GRIN1: variants seen among roughly 807,000 people sequenced by gnomAD.
GRIN1 encodes glutamate ionotropic receptor NMDA type subunit 1.
A neutral mutation model predicts 103.0 loss-of-function variants in GRIN1; 38 were observed. That is an observed-to-expected ratio of 0.37 (90% confidence interval 0.28 to 0.48). GRIN1 has a LOEUF of 0.48. Ranked by LOEUF, GRIN1 falls within the 20% of genes least tolerant of loss-of-function variation. The pLI, the probability that GRIN1 is intolerant of heterozygous loss-of-function variation, is 0.98. For synonymous variants in GRIN1, 544 were observed against 532.7 expected (o/e 1.02, Z -0.29); for missense variants, 577 against 1,288.9 (o/e 0.45, Z 8.46).
chr9:137,139,394 C>G lies in GRIN1; in HGVS notation c.-93C>G. On this transcript the variant is annotated 5_prime_UTR_variant, in exon 1 of 20. Coordinates refer to ENST00000371561, the MANE Select transcript of GRIN1 (RefSeq NM_007327.4). The surrounding 1 kb of genome is among the most constrained non-coding windows in gnomAD (Gnocchi z 7.7). ...ACGTGGCGTCCGCAGCCCGCGGGGC[C>G]GGGCGAGCGCAGGACGGCCCGGAAG... The G allele has an allele frequency of 1.2e-6, 1 of 839,924 alleles. No homozygotes were observed. Among genetic ancestry groups the G allele is most frequent in the Non-Finnish European group, 1.6e-6 (1 of 642,316 alleles). The allele number at this position is 839,924 out of a possible 1,614,324, so 52.0% of individuals were successfully genotyped here. A position where few individuals can be genotyped will look rare whatever the true frequency, so the allele number is the denominator to read the frequency against.
chr9:137,153,216 CAT>C (rs1418945140), intron 4 of GRIN1, among the ~76,000 whole-genome samples: 3 of 151,742 alleles, frequency 2.0e-5, no homozygotes, highest in African/African-American at 4.9e-5. Context: ...AACACATACA[CAT>C]GTGCACACAT....
At position 137,167,730 on chromosome 9, in the gene GRIN1, C is replaced by T. The variant is rs756936531; in HGVS notation, c.*203C>T. 3.7e-6 allele frequency: 6 copies of T among 1,610,252 alleles called. No individual in the cohort carries two copies. In the Admixed American group the frequency reaches 1.0e-4, roughly 27 times the overall value. On this transcript the variant is annotated 3_prime_UTR_variant, in exon 20 of 20. Coordinates refer to ENST00000371561, the MANE Select transcript of GRIN1 (RefSeq NM_007327.4). ...GTCCCGGCCCCGCGCGTGCCCCCAG[C>T]GTGGGGCTAACGGGCGCCTTGTCTG...
chr9:137,139,457 C>T lies in GRIN1; in HGVS notation c.-30C>T, dbSNP rs753166193. On this transcript the variant is annotated 5_prime_UTR_variant, in exon 1 of 20. Transcript: ENST00000371561. This position sits in a 1 kb window ranked among gnomAD's most constrained non-coding sequence, Gnocchi z 7.7. ...TGCGCCGAGGGCCCCGCGTTCGCGC[C>T]GCGCAGAGCCAGGCCCGCGGCCCGA... 2.7e-6 allele frequency: 4 copies of T among 1,478,494 alleles called. No homozygotes were observed. The highest frequency in any genetic ancestry group is 2.2e-5 in the Admixed American group (1 of 45,194). 91.6% of individuals were successfully genotyped at this position (1,478,494 alleles called of 1,614,324 possible). A position where few individuals can be genotyped will look rare whatever the true frequency, so the allele number is the denominator to read the frequency against.
chr9:137,158,581 C>T, intron 7 of GRIN1, 40 bp from the exon 8 acceptor site: 1 of 1,606,356 alleles, frequency 6.2e-7, no homozygotes, highest in South Asian at 1.1e-5. Context: ...GGGCCAAGAC[C>T]CCTGCGTGGC....
intron 2 of GRIN1, among the ~76,000 whole-genome samples, chr9:137,144,828 CTAGAAAGTGT>C (rs1832421393): frequency 1.3e-4 from 1 of 7,776 alleles, no homozygotes; most frequent in African/African-American, 7.6e-4. Flanking sequence ...GTCCCAGGGT[CTAGAAAGTGT>C]CCCCAGGGTG....
At chr9:137,167,298 C>G (rs940914207) in intron 19 of GRIN1, 113 bp from the exon 20 acceptor site, 3 of 820,788 alleles carry the variant, frequency 3.7e-6, no homozygotes, top group Middle Eastern at 3.4e-4. Flanking sequence ...TGCGGAGATC[C>G]CCTGCCCCTG....
intron 4 of GRIN1, among the ~76,000 whole-genome samples, chr9:137,150,142 C>T (rs1052378585): frequency 2.0e-5 from 3 of 152,174 alleles, no homozygotes; most frequent in African/African-American, 7.2e-5. Context: ...TCCCCCATTA[C>T]GCCCCCTGCA....
Position 137,168,163 on chromosome 9 carries a change from G to C in GRIN1, c.*636G>C, listed in dbSNP as rs978015902. 21 of 469,558 alleles carry C rather than the reference G, an allele frequency of 4.5e-5. No individual in the cohort carries two copies. The highest frequency in any genetic ancestry group is 7.7e-5 in the Non-Finnish European group (20 of 260,252). The allele number at this position is 469,558 out of a possible 1,614,324, so 29.1% of individuals were successfully genotyped here. A position where few individuals can be genotyped will look rare whatever the true frequency, so the allele number is the denominator to read the frequency against. Reference sequence around the variant, plus strand: ...AGGCGGAGGGGCTTGGAGCAGAGACGGCAGCCCCATCCTTCCCGCAGCACC... The same window carrying C: ...AGGCGGAGGGGCTTGGAGCAGAGACCGCAGCCCCATCCTTCCCGCAGCACC... On this transcript the variant is annotated 3_prime_UTR_variant, in exon 20 of 20. Transcript: ENST00000371561.
At chr9:137,143,892 G>T (rs1236694669) in intron 2 of GRIN1, among the ~76,000 whole-genome samples, 2 of 152,350 alleles carry the variant, frequency 1.3e-5, no homozygotes, top group Admixed American at 1.3e-4. Flanking sequence ...TGAGGCAGAG[G>T]GGGGCAGAGC....
Position 137,161,258 on chromosome 9 carries a change from A to G in GRIN1, c.1340-31A>G, listed in dbSNP as rs368318431. On this transcript the variant is annotated intron_variant, in intron 9 of 19. Coordinates refer to ENST00000371561, the MANE Select transcript of GRIN1 (RefSeq NM_007327.4). ...GGGCGCGGGGCGTGGGGCGGTCTGG[A>G]GCCCAGCAGTTACCGCCCGCACCTA... 138 of 1,611,178 alleles carry G rather than the reference A, an allele frequency of 8.6e-5. No homozygotes were observed. The African/African-American group carries it at 1.6e-3, about 19-fold the overall frequency.
At chr9:137,150,355 CGCCCAGAAAAAGACCT>C (rs1832770770) in intron 4 of GRIN1, among the ~76,000 whole-genome samples, 1 of 148,988 alleles carries the variant, frequency 6.7e-6, no homozygotes, top group Non-Finnish European at 1.5e-5. Flanking sequence ...GGGAAAGCTC[CGCCCAGAAAAAGACCT>C]GCCCAGGGAA....
In GRIN1 at chr9:137,163,155, G is replaced by A. The variant is rs1190272251; in HGVS notation, c.2172-14G>A. ...GCAGGACCAAGGCCCCCGTGACTCC[G>A]CCTCTGCCGGCAGCAAGCTGCATGC... On this transcript the variant is annotated splice_polypyrimidine_tract_variant and intron_variant, in intron 15 of 19. Transcript: ENST00000371561. The A allele has an allele frequency of 1.9e-6, 3 of 1,612,118 alleles. No individual in the cohort carries two copies. The highest frequency in any genetic ancestry group is 2.5e-6 in the Non-Finnish European group (3 of 1,179,750).
intron 12 of GRIN1, 24 bp from the exon 13 acceptor site, chr9:137,162,380 C>T: frequency 6.3e-7 from 1 of 1,579,720 alleles, no homozygotes; most frequent in South Asian, 1.1e-5. Flanking sequence ...GCCCTCTCTC[C>T]CGCCCGCCCT....
At chr9:137,142,271 C>T (rs1232621787) in intron 2 of GRIN1, 124 bp downstream of exon 2, 2 of 936,948 alleles carry the variant, frequency 2.1e-6, no homozygotes, top group Non-Finnish European at 1.7e-6. Context: ...CACACAGCTC[C>T]CCCACATTCA....
chr9:137,150,274 G>A (rs932741378), intron 4 of GRIN1, among the ~76,000 whole-genome samples: 1 of 152,146 alleles, frequency 6.6e-6, no homozygotes, highest in Non-Finnish European at 1.5e-5. Flanking sequence ...AAGTCCCAAG[G>A]GTATGCACAG....
At chr9:137,147,200 T>G (rs527977324) in intron 3 of GRIN1, among the ~76,000 whole-genome samples, 2 of 151,730 alleles carry the variant, frequency 1.3e-5, no homozygotes, top group Admixed American at 1.3e-4. Flanking sequence ...CCCATCACAC[T>G]CCACACCTCT....
At chr9:137,166,641 G>A (rs1217725981) in intron 19 of GRIN1, among the ~76,000 whole-genome samples, 1 of 152,266 alleles carries the variant, frequency 6.6e-6, no homozygotes, top group Non-Finnish European at 1.5e-5. Flanking sequence ...TGGCTGCTCA[G>A]CTTCCTGGGG....
In GRIN1 at chr9:137,167,396, G is replaced by C; in HGVS notation, c.2701-15G>C. ...GCGGGGCCAGCGGGTATTGATTGTT[G>C]GTTCTTATTTATAGAGCACCGGGGG... On this transcript the variant is annotated splice_polypyrimidine_tract_variant and intron_variant, in intron 19 of 19. Coordinates refer to ENST00000371561, the MANE Select transcript of GRIN1 (RefSeq NM_007327.4). 2 of 1,554,258 alleles carry C rather than the reference G, an allele frequency of 1.3e-6. No homozygotes were observed. The highest frequency in any genetic ancestry group is 1.2e-5 in the South Asian group (1 of 84,670).
chr9:137,142,982 G>C (rs1588687775), intron 2 of GRIN1, among the ~76,000 whole-genome samples: 1 of 152,360 alleles, frequency 6.6e-6, no homozygotes, highest in Non-Finnish European at 1.5e-5. Flanking sequence ...CCAAGCCAGA[G>C]AGCCATGGGG....
Sources: allele counts gnomAD v4.1 joint callset (sites outside exome capture counted in the v4.1 genomes callset), GRCh38; gene constraint gnomAD v4.1.1; non-coding constraint Gnocchi (gnomAD v3.1); transcripts MANE v1.5; gene names NCBI Gene and HGNC (gene_info 2026-07-23, HGNC 2026-07-21).